Variants in ERG observed in about 807,000 individuals in gnomAD.
ERG encodes the protein ETS transcription factor ERG.
A neutral mutation model predicts 55.3 loss-of-function variants in ERG; 9 were observed. That is an observed-to-expected ratio of 0.16 (90% CI 0.10 to 0.28). The LOEUF (loss-of-function observed/expected upper bound fraction) is 0.28. Among genes scored for constraint, ERG ranks in the 10% least tolerant of loss-of-function variants. The pLI is 1.00. For missense variants in ERG, 434 were observed against 631.6 expected, an observed-to-expected ratio of 0.69 and a Z score of 3.35; for synonymous variants, 223 against 237.3, an observed-to-expected ratio of 0.94 and a Z score of 0.55.
intron 1 of ERG, among the ~76,000 whole-genome samples, chr21:38,655,240 A>C (rs983500938): frequency 2.6e-5 from 4 of 152,046 alleles, no homozygotes; most frequent in Non-Finnish European, 5.9e-5. Flanking sequence ...TTCCTCCCAC[A>C]GGGCCCTCAT....
At chr21:38,470,580 C>A (rs572800119) in intron 1 of ERG, among the ~76,000 whole-genome samples, 4 of 152,290 alleles carry the variant, frequency 2.6e-5, no homozygotes, top group Admixed American at 2.0e-4. Flanking sequence ...AGAGGGGCCA[C>A]AGAAATGAGT....
intron 1 of ERG, among the ~76,000 whole-genome samples, chr21:38,455,503 T>C (rs948490638): frequency 6.6e-6 from 1 of 152,142 alleles, no homozygotes; most frequent in African/African-American, 2.4e-5. Context: ...CAGAAGGAGC[T>C]CCGTGAAAAA....
At chr21:38,499,767 G>A (rs2059406997), upstream of ERG, among the ~76,000 whole-genome samples, 1 of 147,370 alleles carries the variant, frequency 6.8e-6, no homozygotes, top group Non-Finnish European at 1.5e-5. Flanking sequence ...AGGAGGGAGG[G>A]AAGAGGGCGA....
intron 1 of ERG, among the ~76,000 whole-genome samples, chr21:38,448,448 T>C (rs2058911895): frequency 6.6e-6 from 1 of 152,046 alleles, no homozygotes. Context: ...AGAGGTGAAA[T>C]ACAGTCCACA....
intron 1 of ERG, among the ~76,000 whole-genome samples, chr21:38,603,201 G>A (rs755200033): frequency 9.9e-5 from 15 of 151,992 alleles, no homozygotes; most frequent in East Asian, 1.9e-4. Flanking sequence ...GAAGAGACCC[G>A]AAACGCAGCT....
Position 38,452,148 on chromosome 21 carries a change from T to C in ERG, c.19-6527A>G, listed in dbSNP as rs368751401. 9.2e-5 allele frequency among the ~76,000 whole-genome samples: 14 copies of C among 152,326 alleles called. No homozygotes were observed. In the East Asian group the frequency reaches 1.7e-3, roughly 19 times the overall value. On this transcript the variant is annotated intron_variant, in intron 1 of 9. Transcript: ENST00000288319. ...CCATCTAAAGAGAGTATTTCTCCAA[T>C]ATGGTATCACTTCAGTGTCAAATAA...
chr21:38,502,897 T>C (rs2059431635), upstream of ERG, among the ~76,000 whole-genome samples: 1 of 152,132 alleles, frequency 6.6e-6, no homozygotes, highest in African/African-American at 2.4e-5. Flanking sequence ...GGCTAATTTT[T>C]TGTATTTTTA....
intron 2 of ERG, among the ~76,000 whole-genome samples, chr21:38,551,439 T>C (rs1033522017): frequency 1.3e-5 from 2 of 152,202 alleles, no homozygotes; most frequent in African/African-American, 2.4e-5. Flanking sequence ...GGTGTGACAT[T>C]AGGCTGTTAA....
chr21:38,440,857 G>A (rs2058835050), intron 2 of ERG, among the ~76,000 whole-genome samples: 1 of 149,906 alleles, frequency 6.7e-6, no homozygotes, highest in Non-Finnish European at 1.5e-5. Flanking sequence ...ATCCCAGGCA[G>A]TCCTTTGTCT....
intron 3 of ERG, among the ~76,000 whole-genome samples, chr21:38,410,256 T>C (rs1249448491): frequency 8.5e-5 from 13 of 152,258 alleles, no homozygotes; most frequent in Admixed American, 8.5e-4. Context: ...TAAGAAACTT[T>C]TGGAGATGCT....
At chr21:38,450,091 TAA>T (rs201099274) in intron 1 of ERG, among the ~76,000 whole-genome samples, 326 of 144,924 alleles carry the variant, frequency 2.2e-3, no homozygotes, top group African/African-American at 7.9e-3. Context: ...TGATCATGCT[TAA>T]AAAAAAAAAA....
intron 1 of ERG, among the ~76,000 whole-genome samples, chr21:38,619,970 T>C (rs2060280551): frequency 6.6e-6 from 1 of 152,234 alleles, no homozygotes; most frequent in Admixed American, 6.5e-5. Flanking sequence ...GTGCTTAGTA[T>C]TATTCAGACT....
intron 1 of ERG, among the ~76,000 whole-genome samples, chr21:38,464,758 CCTT>C (rs2146604485): frequency 6.6e-6 from 1 of 151,960 alleles, no homozygotes; most frequent in East Asian, 1.9e-4. Context: ...ATGTTCCCCT[CCTT>C]GTGTCCATGT....
chr21:38,523,003 G>C (rs1043314033), intron 2 of ERG, among the ~76,000 whole-genome samples: 1 of 152,074 alleles, frequency 6.6e-6, no homozygotes, highest in African/African-American at 2.4e-5. Flanking sequence ...TATGGACTAG[G>C]GTAGTTACTT....
At chr21:38,515,209 T>C (rs2059542904) in intron 2 of ERG, among the ~76,000 whole-genome samples, 2 of 151,940 alleles carry the variant, frequency 1.3e-5, no homozygotes, top group South Asian at 4.1e-4. Context: ...TTTGTGAAAC[T>C]TGAGTGATTC....
chr21:38,593,599 A>G (rs764387177), intron 1 of ERG, among the ~76,000 whole-genome samples: 3 of 152,240 alleles, frequency 2.0e-5, no homozygotes, highest in Non-Finnish European at 4.4e-5. Context: ...CCATCTTTGC[A>G]ATGAGATCTG....
chr21:38,511,739 A>G (rs2059513245), intron 2 of ERG, among the ~76,000 whole-genome samples: 1 of 152,198 alleles, frequency 6.6e-6, no homozygotes, highest in South Asian at 2.1e-4. Context: ...GCAATAGACC[A>G]CAGGGTTTCT....
intron 2 of ERG, among the ~76,000 whole-genome samples, chr21:38,530,952 C>G (rs2836475): frequency 0.16 from 25,039 of 152,216 alleles, 2,341 homozygotes; most frequent in East Asian, 0.39. Context: ...TGCTGAACTA[C>G]AGTCAGGCCA....
chr21:38,636,407 G>A (rs570534696), intron 1 of ERG, among the ~76,000 whole-genome samples: 7 of 152,126 alleles, frequency 4.6e-5, no homozygotes, highest in Non-Finnish European at 1.0e-4. Context: ...AGGAGGGTCC[G>A]GCTCCCACCA....
Sources: gnomAD v4.1 joint callset for allele counts (sites outside exome capture counted in the v4.1 genomes callset) on GRCh38, gnomAD v4.1.1 for gene constraint, MANE v1.5 for transcripts, NCBI Gene and HGNC (gene_info 2026-07-23, HGNC 2026-07-21) for gene names.